The following CPA4 variants were observed in gnomAD, a reference collection of about 807,000 sequenced individuals.
The protein encoded by CPA4 is carboxypeptidase A4.
A neutral mutation model predicts 54.7 loss-of-function variants in CPA4; 49 were observed. The observed-to-expected ratio is 0.90, with a 90% CI of 0.71 to 1.14. CPA4 has a LOEUF of 1.14. Ranked by LOEUF, CPA4 falls within the 50% of genes most tolerant of loss-of-function variation. The pLI, the probability that CPA4 is intolerant of heterozygous loss-of-function variation, is 0.00. For missense variants in CPA4, 487 were observed against 525.1 expected (o/e 0.93, Z 0.71); for synonymous variants, 215 against 206.8 (o/e 1.04, Z -0.34).
At chr7:130,315,502 AGG>A (rs545953069) in intron 10 of CPA4, among the ~76,000 whole-genome samples, 51 of 152,244 alleles carry the variant, frequency 3.3e-4, no homozygotes, top group African/African-American at 1.2e-3. Context: ...TGTGGCTTCC[AGG>A]TGATTAGTAG....
intron 4 of CPA4, 78 bp from the exon 5 acceptor site, chr7:130,304,400 A>G: frequency 1.1e-6 from 1 of 886,358 alleles, no homozygotes; most frequent in Non-Finnish European, 1.9e-6. Flanking sequence ...GTTAAGATCA[A>G]CAAGGTAAAT....
At chr7:130,299,942 C>T (rs947501633) in intron 3 of CPA4, among the ~76,000 whole-genome samples, 1 of 152,148 alleles carries the variant, frequency 6.6e-6, no homozygotes, top group Non-Finnish European at 1.5e-5. Context: ...ATGGATAGCC[C>T]CAGCAGAGGG....
At chr7:130,308,211 G>A in intron 7 of CPA4, 96 bp from the exon 8 acceptor site, 1 of 1,028,748 alleles carries the variant, frequency 9.7e-7, no homozygotes, top group Non-Finnish European at 1.5e-6. Context: ...AGAACTGCAA[G>A]CAGCCTGCCC....
chr7:130,311,686 A>G lies in CPA4; in HGVS notation c.994-352A>G, dbSNP rs577916991. On this transcript the variant is annotated intron_variant, in intron 9 of 10. Coordinates refer to ENST00000222482, the MANE Select transcript of CPA4 (RefSeq NM_016352.4). ...TGCATGACGTCTCCCTTCTCAGGAT[A>G]GGTGAAGACGGTGGTGCCTTTACTA... is the stretch of plus-strand genomic sequence containing the variant. Among the ~76,000 whole-genome samples the G allele has an allele frequency of 4.1e-4, 63 of 152,244 alleles. No individual in the cohort carries two copies. The South Asian group carries it at 0.012, about 28-fold the overall frequency.
intron 4 of CPA4, among the ~76,000 whole-genome samples, chr7:130,301,576 A>G (rs1793738150): frequency 6.6e-6 from 1 of 152,110 alleles, no homozygotes; most frequent in South Asian, 2.1e-4. Flanking sequence ...TCTGCAGACA[A>G]CTAGCTCAGG....
intron 8 of CPA4, among the ~76,000 whole-genome samples, chr7:130,309,998 C>A (rs1402344961): frequency 6.6e-6 from 1 of 152,156 alleles, no homozygotes; most frequent in African/African-American, 2.4e-5. Context: ...AACTTCTGGG[C>A]TTAAGTGATC....
chr7:130,294,853 G>T (rs1584742924), intron 1 of CPA4, among the ~76,000 whole-genome samples: 1 of 152,210 alleles, frequency 6.6e-6, no homozygotes, highest in Non-Finnish European at 1.5e-5. Flanking sequence ...TTTAGAGCAA[G>T]GGGAAGCTGG....
chr7:130,311,429 G>A (rs972963057), intron 9 of CPA4, among the ~76,000 whole-genome samples: 2 of 151,952 alleles, frequency 1.3e-5, no homozygotes, highest in Non-Finnish European at 2.9e-5. Flanking sequence ...GAGGGTGACT[G>A]CAGGTGGCTG....
Position 130,322,988 on chromosome 7 carries a change from A to C in CPA4, c.*312A>C. On this transcript the variant is annotated 3_prime_UTR_variant, in exon 11 of 11. Coordinates refer to ENST00000222482, the MANE Select transcript of CPA4 (RefSeq NM_016352.4). ...CTTCCTGGGTGGCATGTCTCTCTCT[A>C]CCTCATTTTTAGAACCAAAGAACAT... 3.7e-6 allele frequency: 1 copy of C among 268,896 alleles called. No individual in the cohort carries two copies. Among genetic ancestry groups the C allele is most frequent in the East Asian group, 7.0e-5 (1 of 14,226 alleles). 16.7% of individuals were successfully genotyped at this position (268,896 alleles called of 1,614,324 possible). A position where few individuals can be genotyped will look rare whatever the true frequency, so the allele number is the denominator to read the frequency against.
chr7:130,320,796 A>G (rs1024552401), intron 10 of CPA4, among the ~76,000 whole-genome samples: 2 of 152,216 alleles, frequency 1.3e-5, no homozygotes, highest in Admixed American at 1.3e-4. Context: ...AACCTACTTC[A>G]ATGAGTTTTT....
At chr7:130,305,255 C>T (rs779856230) in intron 5 of CPA4, among the ~76,000 whole-genome samples, 45 of 152,152 alleles carry the variant, frequency 3.0e-4, no homozygotes, top group South Asian at 4.1e-4. Context: ...AGACCTGCCA[C>T]GGAGCTGGAT....
chr7:130,296,444 G>A (rs1793649290), intron 1 of CPA4, among the ~76,000 whole-genome samples: 1 of 152,238 alleles, frequency 6.6e-6, no homozygotes, highest in South Asian at 2.1e-4. Context: ...ATGTCTACAA[G>A]TTCTGTTGTG....
chr7:130,316,995 G>A (rs1269650124), intron 10 of CPA4, among the ~76,000 whole-genome samples: 5 of 152,026 alleles, frequency 3.3e-5, no homozygotes, highest in African/African-American at 1.2e-4. Context: ...GGTTGAAAGA[G>A]TATTGAATAT....
intron 10 of CPA4, among the ~76,000 whole-genome samples, chr7:130,320,735 A>G (rs1483678949): frequency 6.6e-6 from 1 of 152,224 alleles, no homozygotes; most frequent in Non-Finnish European, 1.5e-5. Context: ...TCCTTAGGTG[A>G]ATTATCCATT....
intron 10 of CPA4, among the ~76,000 whole-genome samples, chr7:130,318,191 G>A (rs564454840): frequency 6.6e-6 from 1 of 152,262 alleles, no homozygotes; most frequent in East Asian, 1.9e-4. Flanking sequence ...GGTGCCCTCT[G>A]AGGACGTCCT....
At chr7:130,320,619 C>T (rs546825348) in intron 10 of CPA4, among the ~76,000 whole-genome samples, 2 of 152,164 alleles carry the variant, frequency 1.3e-5, no homozygotes, top group Non-Finnish European at 2.9e-5. Context: ...ATGTAACAGG[C>T]TTGTTAATAT....
intron 6 of CPA4, chr7:130,306,264 TGGG>T (rs1793819373): frequency 6.5e-6 from 2 of 305,530 alleles, no homozygotes; most frequent in Admixed American, 9.4e-5. Context: ...GAAAGGCTGC[TGGG>T]AGGGCAGCAG....
Position 130,305,962 on chromosome 7 carries a change from G to C in CPA4, c.591+42G>C, listed in dbSNP as rs771257342. ...TTAGCCAGGAATGCTGATGGTGCCG[G>C]GGTGCCCCTGCAGCATGCCATGTGG... On this transcript the variant is annotated intron_variant, in intron 6 of 10. Coordinates refer to ENST00000222482, the MANE Select transcript of CPA4 (RefSeq NM_016352.4). 9.8e-6 allele frequency: 15 copies of C among 1,523,394 alleles called. No individual in the cohort carries two copies. The East Asian group carries it at 1.1e-4, about 11-fold the overall frequency. The allele number at this position is 1,523,394 out of a possible 1,614,324, so 94.4% of individuals were successfully genotyped here.
chr7:130,317,988 T>C (rs1794017541), intron 10 of CPA4, among the ~76,000 whole-genome samples: 1 of 152,216 alleles, frequency 6.6e-6, no homozygotes, highest in Non-Finnish European at 1.5e-5. Context: ...GTCTTGTCTC[T>C]GTTTCAGATG....
Sources: gnomAD v4.1 joint callset for allele counts (sites outside exome capture counted in the v4.1 genomes callset) on GRCh38, gnomAD v4.1.1 for gene constraint, MANE v1.5 for transcripts, NCBI Gene and HGNC (gene_info 2026-07-23, HGNC 2026-07-21) for gene names.